Variants in CACNG5 observed in about 807,000 individuals in gnomAD.
CACNG5 encodes calcium voltage-gated channel auxiliary subunit gamma 5, also known as voltage-dependent calcium channel gamma-5 subunit.
Under a neutral mutation model 24.8 loss-of-function variants are expected in CACNG5, and 18 were observed. That is an observed-to-expected ratio of 0.73 (90% CI 0.50 to 1.08). CACNG5 has a LOEUF of 1.08. Ranked by LOEUF, CACNG5 falls within the 50% of genes least tolerant of loss-of-function variation. CACNG5 has a pLI of 0.00. For missense variants in CACNG5, 349 were observed against 367.9 expected (o/e 0.95, Z 0.42); for synonymous variants, 157 against 149.1 (o/e 1.05, Z -0.39).
At chr17:66,879,436 C>G (rs116047505) in intron 3 of CACNG5, among the ~76,000 whole-genome samples, 1 of 152,166 alleles carries the variant, frequency 6.6e-6, no homozygotes, top group African/African-American at 2.4e-5. Flanking sequence ...GTCTCAGTCC[C>G]CAAAGAAACT....
rs764455679 is a variant in CACNG5, at chr17:66,877,542, G to T, written c.196+14G>T. Reference sequence around the variant, plus strand: ...GCTTCCTTGCAGGTAAGGGTGCCCAGGGTTGGGGACAGCCCTGCCCCCTGA... The same window carrying T: ...GCTTCCTTGCAGGTAAGGGTGCCCATGGTTGGGGACAGCCCTGCCCCCTGA... On this transcript the variant is annotated intron_variant, in intron 2 of 5. Coordinates refer to ENST00000533854, the MANE Select transcript of CACNG5 (RefSeq NM_145811.3). The T allele has an allele frequency of 1.2e-6, 2 of 1,611,322 alleles. No individual in the cohort carries two copies. The highest frequency in any genetic ancestry group is 1.7e-6 in the Non-Finnish European group (2 of 1,178,468).
At position 66,886,455 on chromosome 17, in the gene CACNG5, A is replaced by G. The variant is rs1275619189; in HGVS notation, c.*1215A>G. On this transcript the variant is annotated 3_prime_UTR_variant, in exon 6 of 6. Transcript: ENST00000533854. ...ATTCTTCTGGTGGGAAACCGGAGCC[A>G]GGAGGGTTTCAATTACCCTCCGTAA... 6.6e-6 allele frequency among the ~76,000 whole-genome samples: 1 copy of G among 152,220 alleles called. No homozygotes were observed. Among genetic ancestry groups the G allele is most frequent in the Non-Finnish European group, 1.5e-5 (1 of 68,034 alleles).
chr17:66,878,896 G>T, intron 2 of CACNG5, 76 bp from the exon 3 acceptor site: 1 of 1,230,208 alleles, frequency 8.1e-7, no homozygotes, highest in South Asian at 1.3e-5. Flanking sequence ...AAACACACTT[G>T]GAAATACCAT....
Position 66,888,503 on chromosome 17 carries a change from C to T in CACNG5, c.*3263C>T, listed in dbSNP as rs1024930759. Among the ~76,000 whole-genome samples the T allele has an allele frequency of 7.1e-6, 1 of 140,322 alleles. No individual in the cohort carries two copies. Among genetic ancestry groups the T allele is most frequent in the African/African-American group, 2.7e-5 (1 of 37,570 alleles). The allele number at this position is 140,322 out of a possible 152,430, so 92.1% of individuals were successfully genotyped here. The stretch of plus-strand genomic sequence containing the variant: ...AGCTTGCAGTGAGCCGAGATCGCAC[C>T]ACTGCACTCCAGCCTGGGTGACAGA... On this transcript the variant is annotated 3_prime_UTR_variant, in exon 6 of 6. Transcript: ENST00000533854.
chr17:66,883,606 C>G (rs1267090869), intron 4 of CACNG5, among the ~76,000 whole-genome samples: 2 of 152,238 alleles, frequency 1.3e-5, no homozygotes, highest in African/African-American at 4.8e-5. Flanking sequence ...TCCCCCCGGC[C>G]TCCTGATTTA....
intron 3 of CACNG5, 36 bp from the exon 4 acceptor site, chr17:66,880,521 G>C: frequency 6.2e-7 from 1 of 1,613,682 alleles, no homozygotes; most frequent in Non-Finnish European, 8.5e-7. Context: ...ATCAGGCCTG[G>C]AGGCTGACAG....
intron 1 of CACNG5, among the ~76,000 whole-genome samples, chr17:66,847,642 C>T (rs1976654743): frequency 6.6e-6 from 1 of 152,102 alleles, no homozygotes; most frequent in East Asian, 1.9e-4. Context: ...GGGGACACAG[C>T]CAAACCATAT....
intron 1 of CACNG5, among the ~76,000 whole-genome samples, chr17:66,836,056 G>A (rs62070971): frequency 6.6e-6 from 1 of 152,132 alleles, no homozygotes; most frequent in Non-Finnish European, 1.5e-5. Flanking sequence ...ATAATTCCGG[G>A]AGCCTGGCTG....
chr17:66,847,094 C>T (rs1354872380), intron 1 of CACNG5, among the ~76,000 whole-genome samples: 2 of 152,198 alleles, frequency 1.3e-5, no homozygotes, highest in Non-Finnish European at 2.9e-5. Flanking sequence ...CCAACCTGTT[C>T]ACTTCATGGC....
intron 4 of CACNG5, among the ~76,000 whole-genome samples, chr17:66,882,519 A>C (rs1357822516): frequency 6.6e-6 from 1 of 151,928 alleles, no homozygotes; most frequent in East Asian, 1.9e-4. Context: ...GTAGAGTGAG[A>C]AGGGGAAAGA....
intron 1 of CACNG5, among the ~76,000 whole-genome samples, chr17:66,863,867 G>A (rs921148009): frequency 2.6e-5 from 4 of 152,160 alleles, no homozygotes; most frequent in Admixed American, 6.5e-5. Context: ...AATGTTGAGG[G>A]ATATTTTTAC....
intron 1 of CACNG5, among the ~76,000 whole-genome samples, chr17:66,868,666 T>A (rs1976962171): frequency 6.6e-6 from 1 of 152,178 alleles, no homozygotes; most frequent in Non-Finnish European, 1.5e-5. Context: ...GTCTCCAGTC[T>A]CCAGGTGACA....
chr17:66,879,792 T>C (rs1396113970), intron 3 of CACNG5, among the ~76,000 whole-genome samples: 1 of 152,190 alleles, frequency 6.6e-6, no homozygotes, highest in African/African-American at 2.4e-5. Context: ...TCCAGAGTTT[T>C]TATTGGGGTT....
At position 66,838,186 on chromosome 17, in the gene CACNG5, A is replaced by G. The variant is rs182679546; in HGVS notation, c.-104+2936A>G. ...TGTTAGGTCAGCAAAATGACAGAGT[A>G]TACCCTGCCTGGCTGTGCCTCCCTG... On this transcript the variant is annotated intron_variant, in intron 1 of 5. Coordinates refer to ENST00000533854, the MANE Select transcript of CACNG5 (RefSeq NM_145811.3). Among the ~76,000 whole-genome samples, 12 of 151,978 alleles carry G rather than the reference A, an allele frequency of 7.9e-5. 1 individual carries two copies. Among genetic ancestry groups the G allele is most frequent in the Middle Eastern group, 6.8e-3 (2 of 294 alleles).
At chr17:66,858,536 A>G (rs1343755084) in intron 1 of CACNG5, among the ~76,000 whole-genome samples, 1 of 152,052 alleles carries the variant, frequency 6.6e-6, no homozygotes, top group Non-Finnish European at 1.5e-5. Context: ...TGGGATCTCC[A>G]GCTGAGCGGC....
chr17:66,878,144 C>A (rs1419628398), intron 2 of CACNG5, among the ~76,000 whole-genome samples: 2 of 152,220 alleles, frequency 1.3e-5, no homozygotes, highest in East Asian at 3.9e-4. Context: ...ACTAGGGCTT[C>A]CCTGTAACCC....
chr17:66,870,944 C>T (rs1322492353), intron 1 of CACNG5, among the ~76,000 whole-genome samples: 4 of 151,644 alleles, frequency 2.6e-5, no homozygotes, highest in African/African-American at 9.7e-5. Flanking sequence ...CATGCCATTG[C>T]ACCTCCAGCC....
rs1195586919 is a variant in CACNG5 at position 66,878,325 on chromosome 17, T to G, written c.197-647T>G. On this transcript the variant is annotated intron_variant, in intron 2 of 5. Transcript: ENST00000533854. Reference sequence around the variant, plus strand: ...TCTTGGTAGGGGCTTGTAACTTATGTGTGCACTGGGAAGAGACACAGTTTG... The same window carrying G: ...TCTTGGTAGGGGCTTGTAACTTATGGGTGCACTGGGAAGAGACACAGTTTG... Among the ~76,000 whole-genome samples, 3 of 152,246 alleles carry G rather than the reference T, an allele frequency of 2.0e-5. 1 individual carries two copies. The highest frequency in any genetic ancestry group is 2.9e-5 in the Non-Finnish European group (2 of 68,046).
At position 66,886,746 on chromosome 17, in the gene CACNG5, C is replaced by G. The variant is rs1977267203; in HGVS notation, c.*1506C>G. Among the ~76,000 whole-genome samples, 1 of 152,202 alleles carries G rather than the reference C, an allele frequency of 6.6e-6. No homozygotes were observed. The highest frequency in any genetic ancestry group is 2.4e-5 in the African/African-American group (1 of 41,448). ...AGAGGCGGTGTGTCAGGCAGCCGGG[C>G]TGCCGCAATGAACTACCACAGACTG... On this transcript the variant is annotated 3_prime_UTR_variant, in exon 6 of 6. Transcript: ENST00000533854.
Sources: allele counts gnomAD v4.1 joint callset (sites outside exome capture counted in the v4.1 genomes callset), GRCh38; gene constraint gnomAD v4.1.1; transcripts MANE v1.5; gene names NCBI Gene and HGNC (gene_info 2026-07-23, HGNC 2026-07-21).